RAB6A: variants seen among roughly 807,000 people sequenced by gnomAD.
RAB6A encodes RAB6A, member RAS oncogene family, also known as ras-related protein Rab-6A.
Under a neutral mutation model 32.3 loss-of-function variants are expected in RAB6A, and 8 were observed. The ratio of observed to expected loss-of-function variants is 0.25; its 90% confidence interval spans 0.15 to 0.45. The LOEUF is 0.45. Among genes scored for constraint, RAB6A ranks in the 20% least tolerant of loss-of-function variants. The pLI is 1.00. For missense variants in RAB6A, 104 were observed against 249.4 expected, an observed-to-expected ratio of 0.42 and a Z score of 3.93; for synonymous variants, 73 against 82.1, an observed-to-expected ratio of 0.89 and a Z score of 0.60.
intron 1 of RAB6A, among the ~76,000 whole-genome samples, chr11:73,732,565 G>T (rs1250673124): frequency 6.6e-6 from 1 of 152,154 alleles, no homozygotes; most frequent in Non-Finnish European, 1.5e-5. Flanking sequence ...CAGACTGGGT[G>T]ACAGAGCGAG....
intron 6 of RAB6A, among the ~76,000 whole-genome samples, chr11:73,700,598 A>AC (rs1565352724): frequency 5.5e-5 from 1 of 18,332 alleles, no homozygotes; most frequent in Non-Finnish European, 1.1e-4. Context: ...AAAAAAAAAA[A>AC]AGTGTGTGTG....
At chr11:73,678,246 T>C (rs1945296807) in intron 7 of RAB6A, among the ~76,000 whole-genome samples, 1 of 152,216 alleles carries the variant, frequency 6.6e-6, no homozygotes, top group Non-Finnish European at 1.5e-5. Flanking sequence ...ATGATGTTCC[T>C]CATAGAATCA....
chr11:73,716,260 G>A lies in RAB6A; in HGVS notation c.392C>T (p.Ala131Val). 4 of 1,604,440 alleles carry A rather than the reference G, an allele frequency of 2.5e-6. No homozygotes were observed. The highest frequency in any genetic ancestry group is 2.6e-6 in the Non-Finnish European group (3 of 1,171,628). ...IMLVGNKTDL[A>V]DKRQVSIEEG... ...TAAAATAACTCCATACCTCTTGTCA[G>A]CAAGATCTGTTTTATTTCCTACTAG... Residue 131 changes from alanine (A) to valine (V), a missense_variant, in exon 5 of 8, where the codon GCT becomes GTT. Physicochemically the swap from Ala to Val is moderately conservative, Grantham distance 64. Around this residue, in one of 4 missense-constraint regions of RAB6A, gnomAD observed 21 missense variants for 18.2 expected, o/e 1.15. Transcript: ENST00000336083.
chr11:73,718,808 G>A (rs1946090135), intron 3 of RAB6A, 90 bp from the exon 4 acceptor site: 2 of 1,613,846 alleles, frequency 1.2e-6, no homozygotes, highest in Non-Finnish European at 1.7e-6. Flanking sequence ...AACTACTACA[G>A]CTGCAGCAGA....
intron 3 of RAB6A, 44 bp downstream of exon 3, chr11:73,720,802 A>G (rs749963398): frequency 6.9e-7 from 1 of 1,441,832 alleles, no homozygotes; most frequent in South Asian, 1.2e-5. Context: ...CAGTTTTCTA[A>G]CCTGGAATGT....
chr11:73,739,284 A>AAATAT (rs1208877325), intron 1 of RAB6A, among the ~76,000 whole-genome samples: 1 of 6,760 alleles, frequency 1.5e-4, no homozygotes, highest in African/African-American at 3.2e-4. Flanking sequence ...AAAAAAAAAA[A>AAATAT]ATATATATAT....
At position 73,712,026 on chromosome 11, in the gene RAB6A, C is replaced by T. The variant is rs190504466; in HGVS notation, c.401+4225G>A. ...TTTGGGATATTAGCCATTTTTGATA[C>T]GATTTACAAATACTTTTCCCTAGTT... On this transcript the variant is annotated intron_variant, in intron 5 of 7. Transcript: ENST00000336083. Among the ~76,000 whole-genome samples the T allele has an allele frequency of 6.6e-5, 10 of 152,122 alleles. No homozygotes were observed. The South Asian group carries it at 1.5e-3, about 22-fold the overall frequency.
intron 6 of RAB6A, 54 bp downstream of exon 6, chr11:73,707,366 T>C: frequency 7.7e-7 from 1 of 1,300,570 alleles, no homozygotes; most frequent in Non-Finnish European, 1.1e-6. Flanking sequence ...GAGAATAGAA[T>C]ACTCACACAA....
At chr11:73,723,629 G>A (rs951282379) in intron 2 of RAB6A, among the ~76,000 whole-genome samples, 5 of 152,094 alleles carry the variant, frequency 3.3e-5, no homozygotes, top group African/African-American at 9.6e-5. Context: ...GCGCCTGGCC[G>A]AAAGAAATAT....
chr11:73,685,436 C>G (rs1945431584), intron 6 of RAB6A, among the ~76,000 whole-genome samples: 1 of 151,190 alleles, frequency 6.6e-6, no homozygotes. Flanking sequence ...CTACAGGTGC[C>G]TGTGCCACAC....
chr11:73,757,116 TATATATATATATA>T (rs1424218501), intron 1 of RAB6A, among the ~76,000 whole-genome samples: 1 of 46,716 alleles, frequency 2.1e-5, no homozygotes, highest in Non-Finnish European at 4.2e-5. Flanking sequence ...TATATATATA[TATATATATATATA>T]TTTTTTTTTT....
intron 6 of RAB6A, among the ~76,000 whole-genome samples, chr11:73,686,709 T>C (rs537386845): frequency 6.6e-6 from 1 of 152,318 alleles, no homozygotes; most frequent in South Asian, 2.1e-4. Flanking sequence ...GACTTTTAAA[T>C]AATGAAAATA....
intron 6 of RAB6A, among the ~76,000 whole-genome samples, chr11:73,681,436 T>G (rs1225622874): frequency 6.6e-6 from 1 of 152,224 alleles, no homozygotes; most frequent in Non-Finnish European, 1.5e-5. Context: ...AAGTGCTCTA[T>G]AAGTATTACT....
chr11:73,678,152 C>G (rs1337453082), intron 7 of RAB6A, among the ~76,000 whole-genome samples, 190 bp from the exon 8 acceptor site: 1 of 152,156 alleles, frequency 6.6e-6, no homozygotes, highest in Non-Finnish European at 1.5e-5. Context: ...CTATATGCAA[C>G]AAGGGTCAGA....
At chr11:73,698,343 T>C (rs770150002) in intron 6 of RAB6A, among the ~76,000 whole-genome samples, 23 of 152,224 alleles carry the variant, frequency 1.5e-4, no homozygotes, top group Non-Finnish European at 3.2e-4. Context: ...ATCTCAGATT[T>C]TGGAACTAAA....
At chr11:73,718,824 G>A (rs960910171) in intron 3 of RAB6A, 106 bp from the exon 4 acceptor site, 10 of 1,613,784 alleles carry the variant, frequency 6.2e-6, no homozygotes, top group Middle Eastern at 1.6e-4. Flanking sequence ...GCAGAATCAC[G>A]GATGTAACTG....
chr11:73,720,079 C>A (rs1397840128), intron 3 of RAB6A, among the ~76,000 whole-genome samples: 1 of 151,802 alleles, frequency 6.6e-6, no homozygotes, highest in African/African-American at 2.4e-5. Flanking sequence ...TGACAAGTAT[C>A]TCTTCAAGGG....
At chr11:73,680,467 C>A (rs1170060731) in intron 6 of RAB6A, among the ~76,000 whole-genome samples, 1 of 152,176 alleles carries the variant, frequency 6.6e-6, no homozygotes, top group East Asian at 1.9e-4. Flanking sequence ...CCAGCCTGGA[C>A]ATGGTGAAAC....
At chr11:73,722,271 T>G (rs1476024079) in intron 2 of RAB6A, 1 of 140,194 alleles carries the variant, frequency 7.1e-6, no homozygotes, top group African/African-American at 2.6e-5. Context: ...TTCTGATGCT[T>G]CCGTAAATAA....
Sources: gnomAD v4.1 joint callset for allele counts (sites outside exome capture counted in the v4.1 genomes callset) on GRCh38, gnomAD v4.1.1 for gene constraint, gnomAD v4.1.1 regional missense constraint, MANE v1.5 for transcripts, NCBI Gene and HGNC (gene_info 2026-07-23, HGNC 2026-07-21) for gene names.